The following ADAMTSL1 variants were observed in gnomAD, a reference collection of about 807,000 sequenced individuals.
ADAMTSL1 encodes the protein ADAMTS like 1, also known as ADAMTS-like protein 1.
A neutral mutation model predicts 201.8 loss-of-function variants in ADAMTSL1; 126 were observed. That is an observed-to-expected ratio of 0.62 (90% CI 0.54 to 0.72). ADAMTSL1 has a LOEUF of 0.72. ADAMTSL1 is among the 30% of genes least tolerant of loss of function. The pLI is 0.00. For missense variants in ADAMTSL1, 2,679 were observed against 2,277.8 expected (o/e 1.18, Z -3.59); for synonymous variants, 1,121 against 903.4 (o/e 1.24, Z -4.32).
intron 19 of ADAMTSL1, among the ~76,000 whole-genome samples, chr9:18,792,418 C>T (rs1245029635): frequency 1.3e-5 from 2 of 152,310 alleles, no homozygotes; most frequent in South Asian, 4.1e-4. Context: ...AAACAAAGTT[C>T]AGAAGAACTA....
chr9:18,563,498 C>T (rs1237884171), intron 3 of ADAMTSL1, among the ~76,000 whole-genome samples: 1 of 152,214 alleles, frequency 6.6e-6, no homozygotes, highest in Non-Finnish European at 1.5e-5. Flanking sequence ...GTTAGGGACC[C>T]ACTTCACGAG....
At chr9:18,547,984 T>C (rs1820576872) in intron 3 of ADAMTSL1, among the ~76,000 whole-genome samples, 1 of 151,812 alleles carries the variant, frequency 6.6e-6, no homozygotes, top group African/African-American at 2.4e-5. Flanking sequence ...GAAAAAAATA[T>C]ATATATAATA....
Position 18,099,350 on chromosome 9 carries a change from TA to T in ADAMTSL1, c.88-64511del, listed in dbSNP as rs1448180721. Among the ~76,000 whole-genome samples the T allele has an allele frequency of 5.6e-3, 274 of 48,864 alleles. 1 individual carries two copies. Among genetic ancestry groups the T allele is most frequent in the South Asian group, 0.021 (30 of 1,432 alleles). The allele number at this position is 48,864 out of a possible 152,430, so 32.1% of individuals were successfully genotyped here. A position where few individuals can be genotyped will look rare whatever the true frequency, so the allele number is the denominator to read the frequency against. ...AAATATATATATATATATATATATATATATATTTTTTTTTTTTTTTTTAACA... is the reference window on the plus strand; with the variant it reads ...AAATATATATATATATATATATATATTATATTTTTTTTTTTTTTTTTAACA... On this transcript the variant is annotated intron_variant, in intron 1 of 29. Coordinates refer to the ADAMTSL1 transcript ENST00000680146.
At chr9:18,694,020 C>A (rs1275791864) in intron 13 of ADAMTSL1, among the ~76,000 whole-genome samples, 1 of 152,028 alleles carries the variant, frequency 6.6e-6, no homozygotes, top group Non-Finnish European at 1.5e-5. Flanking sequence ...ATAATCATGG[C>A]AGAAGGAGAA....
At position 18,195,630 on chromosome 9, in the gene ADAMTSL1, C is replaced by T. The variant is rs561860211; in HGVS notation, c.207+31649C>T. Among the ~76,000 whole-genome samples the T allele has an allele frequency of 7.4e-4, 113 of 152,172 alleles. 2 individuals are homozygous for T. The South Asian group carries it at 0.022, about 30-fold the overall frequency. On this transcript the variant is annotated intron_variant, in intron 2 of 29. Transcript: ENST00000680146. ...TTTCTTCTAGTGGTGTTTTCTTTGG[C>T]CTTATAATCTGAAAAGAGCTGGTAC...
intron 4 of ADAMTSL1, among the ~76,000 whole-genome samples, chr9:18,601,141 A>C (rs10963662): frequency 0.22 from 33,358 of 152,142 alleles, 4,115 homozygotes; most frequent in African/African-American, 0.34. Context: ...TCAGCTCCAG[A>C]ATAGGACAAT....
intron 2 of ADAMTSL1, among the ~76,000 whole-genome samples, chr9:18,179,679 G>C (rs1044707840): frequency 2.0e-5 from 3 of 151,990 alleles, no homozygotes; most frequent in Non-Finnish European, 4.4e-5. Context: ...CGGATCTCTC[G>C]GCAGAAACTC....
chr9:18,057,668 G>T (rs905055933), intron 1 of ADAMTSL1, among the ~76,000 whole-genome samples: 4 of 152,198 alleles, frequency 2.6e-5, no homozygotes, highest in Non-Finnish European at 5.9e-5. Flanking sequence ...TCCAAAGTCA[G>T]AGCTTGTCAC....
At position 18,875,167 on chromosome 9, in the gene ADAMTSL1, C is replaced by T. The variant is rs150819614; in HGVS notation, c.4250-12664C>T. 6.1e-3 allele frequency among the ~76,000 whole-genome samples: 925 copies of T among 152,068 alleles called. 9 individuals are homozygous for T. Among genetic ancestry groups the T allele is most frequent in the African/African-American group, 0.021 (883 of 41,536 alleles). ...TGAATCTTCTCTCTTCTTGGTTAAC[C>T]CACTAATGGTCTATCAGTTTTGTTT... is the stretch of plus-strand genomic sequence containing the variant. On this transcript the variant is annotated intron_variant, in intron 23 of 28. Coordinates refer to ENST00000380548, the MANE Select transcript of ADAMTSL1 (RefSeq NM_001040272.6).
chr9:18,385,218 A>G (rs1015946643), intron 2 of ADAMTSL1, among the ~76,000 whole-genome samples: 20 of 152,034 alleles, frequency 1.3e-4, no homozygotes, highest in African/African-American at 4.6e-4. Context: ...TCCCACCTAA[A>G]TCTTTCCTCA....
At chr9:18,254,457 G>A (rs1362092819) in intron 2 of ADAMTSL1, among the ~76,000 whole-genome samples, 1 of 134,588 alleles carries the variant, frequency 7.4e-6, no homozygotes, top group Non-Finnish European at 1.5e-5. Flanking sequence ...CCACCTCCCG[G>A]GTTCACGCCG....
rs751978972 is a variant in ADAMTSL1, at chr9:18,886,166, GTATATATATATATATATATATATATATA to G, written c.4250-1646_4250-1619del. Among the ~76,000 whole-genome samples, 52 of 37,146 alleles carry G rather than the reference GTATATATATATATATATATATATATATA, an allele frequency of 1.4e-3. No homozygotes were observed. The East Asian group carries it at 0.024, about 17-fold the overall frequency. 24.4% of individuals were successfully genotyped at this position (37,146 alleles called of 152,430 possible). On this transcript the variant is annotated intron_variant, in intron 23 of 28. Coordinates refer to ENST00000380548, the MANE Select transcript of ADAMTSL1 (RefSeq NM_001040272.6). ...TATATATACATGTGAGTGTGTATGT[GTATATATATATATATATATATATATATA>G]TATATATATATATATATACACACAC...
chr9:18,299,193 A>C (rs1421034004), intron 2 of ADAMTSL1, among the ~76,000 whole-genome samples: 3 of 152,060 alleles, frequency 2.0e-5, no homozygotes, highest in Admixed American at 2.0e-4. Flanking sequence ...ACAGCTAATA[A>C]GTGTGAGAGC....
chr9:17,955,166 CT>C (rs1383366220), intron 1 of ADAMTSL1, among the ~76,000 whole-genome samples: 3 of 152,124 alleles, frequency 2.0e-5, no homozygotes, highest in African/African-American at 7.2e-5. Context: ...CATGCCATGA[CT>C]TTCTTTTAAT....
chr9:18,854,428 A>C (rs993944366), intron 23 of ADAMTSL1, among the ~76,000 whole-genome samples: 1 of 152,214 alleles, frequency 6.6e-6, no homozygotes, highest in East Asian at 1.9e-4. Flanking sequence ...TTTCAAAAAT[A>C]TACCATACAG....
chr9:18,497,024 G>C (rs567115445), intron 1 of ADAMTSL1, among the ~76,000 whole-genome samples: 41 of 152,272 alleles, frequency 2.7e-4, no homozygotes, highest in African/African-American at 9.4e-4. Flanking sequence ...GAAGCCCTAG[G>C]GGGTGATTCT....
intron 2 of ADAMTSL1, among the ~76,000 whole-genome samples, chr9:18,331,694 A>G (rs565210341): frequency 2.3e-4 from 35 of 152,250 alleles, no homozygotes; most frequent in African/African-American, 7.0e-4. Flanking sequence ...TTTCTATCCT[A>G]TTGCCACCTT....
chr9:18,866,160 G>C (rs555700572), intron 23 of ADAMTSL1, among the ~76,000 whole-genome samples: 23 of 118,458 alleles, frequency 1.9e-4, no homozygotes, highest in Middle Eastern at 4.9e-3. Flanking sequence ...TTTAACAAAT[G>C]AGAAATGTCC....
chr9:18,784,464 T>C (rs1432731423), intron 19 of ADAMTSL1, among the ~76,000 whole-genome samples: 3 of 152,238 alleles, frequency 2.0e-5, no homozygotes, highest in Non-Finnish European at 4.4e-5. Flanking sequence ...GGCTGCGGTC[T>C]GCAAGGTTTT....
Sources: gnomAD v4.1 joint callset for allele counts (sites outside exome capture counted in the v4.1 genomes callset) on GRCh38, gnomAD v4.1.1 for gene constraint, MANE v1.5 for transcripts, NCBI Gene and HGNC (gene_info 2026-07-23, HGNC 2026-07-21) for gene names.